ZBBX: variants seen among roughly 807,000 people sequenced by gnomAD.
ZBBX encodes the protein zinc finger B-box domain containing, also known as zinc finger B-box domain-containing protein 1.
Under a neutral mutation model 108.5 loss-of-function variants are expected in ZBBX, and 101 were observed. The ratio of observed to expected loss-of-function variants is 0.93; its 90% confidence interval spans 0.79 to 1.10. The LOEUF is 1.10. Ranked by LOEUF, ZBBX falls within the 50% of genes least tolerant of loss-of-function variation. ZBBX has a pLI of 0.00. For synonymous variants in ZBBX, 356 were observed against 323.4 expected (o/e 1.10, Z -1.08); for missense variants, 1,009 against 941.4 (o/e 1.07, Z -0.94).
intron 20 of ZBBX, among the ~76,000 whole-genome samples, chr3:167,249,584 G>C (rs1340159071): frequency 6.6e-6 from 1 of 152,174 alleles, no homozygotes; most frequent in East Asian, 1.9e-4. Context: ...GTAAGGTCCA[G>C]GTCCCCTTCT....
chr3:167,349,630 A>T (rs2108492732), intron 9 of ZBBX, among the ~76,000 whole-genome samples: 1 of 152,196 alleles, frequency 6.6e-6, no homozygotes. Flanking sequence ...AGATCTGATT[A>T]TCTCTATTCC....
At chr3:167,303,214 TG>T (rs993046472) in intron 17 of ZBBX, among the ~76,000 whole-genome samples, 2 of 152,350 alleles carry the variant, frequency 1.3e-5, no homozygotes, top group African/African-American at 4.8e-5. Context: ...GTATTTTGGA[TG>T]ACATACATTA....
In ZBBX at chr3:167,257,051, T is replaced by G. The variant is rs1234809787; in HGVS notation, c.2255-14408A>C. 5.9e-5 allele frequency among the ~76,000 whole-genome samples: 9 copies of G among 152,324 alleles called. No homozygotes were observed. In the East Asian group the frequency reaches 1.5e-3, roughly 26 times the overall value. On this transcript the variant is annotated intron_variant, in intron 20 of 21. Transcript: ENST00000675490. Reference sequence around the variant, plus strand: ...TTAACTTTTTAAGGAACCTCCAAACTGTTCTCCATAGTGTTTGAACTAACT... The same window carrying G: ...TTAACTTTTTAAGGAACCTCCAAACGGTTCTCCATAGTGTTTGAACTAACT...
At chr3:167,370,554 C>T (rs13093711) in intron 4 of ZBBX, among the ~76,000 whole-genome samples, 10,892 of 152,186 alleles carry the variant, frequency 0.072, 468 homozygotes, top group Admixed American at 0.11. Context: ...AGACTTCTGA[C>T]GTTTTTGAAG....
rs537151505 is a variant in ZBBX, at chr3:167,358,867, C to T, written c.432+1003G>A. Among the ~76,000 whole-genome samples the T allele has an allele frequency of 6.0e-4, 79 of 131,368 alleles. 1 individual carries two copies. The South Asian group carries it at 0.015, about 25-fold the overall frequency. The allele number at this position is 131,368 out of a possible 152,430, so 86.2% of individuals were successfully genotyped here. On this transcript the variant is annotated intron_variant, in intron 8 of 21. Transcript: ENST00000675490. ...AGGAGAATTGCTTGAACTCTGGAGG[C>T]GGAGGTTGCAGTGAGCCCAGATTGC... is the stretch of plus-strand genomic sequence containing the variant.
chr3:167,376,210 G>A (rs761611517), intron 2 of ZBBX, among the ~76,000 whole-genome samples: 1 of 152,108 alleles, frequency 6.6e-6, no homozygotes, highest in Non-Finnish European at 1.5e-5. Flanking sequence ...GAGGGAGGTG[G>A]TAGCATTTTC....
intron 9 of ZBBX, among the ~76,000 whole-genome samples, chr3:167,341,324 A>G (rs1740499778): frequency 6.6e-6 from 1 of 151,924 alleles, no homozygotes; most frequent in Non-Finnish European, 1.5e-5. Flanking sequence ...AAATAACATG[A>G]AATCTGGACT....
chr3:167,271,128 T>C (rs1013908488), intron 20 of ZBBX, among the ~76,000 whole-genome samples: 3 of 152,210 alleles, frequency 2.0e-5, no homozygotes, highest in African/African-American at 7.2e-5. Context: ...TTAAAGTAAT[T>C]GCAGGAAGGA....
At chr3:167,372,787 A>G in intron 4 of ZBBX, 47 bp downstream of exon 4, 1 of 964,596 alleles carries the variant, frequency 1.0e-6, no homozygotes. Flanking sequence ...CAATATACAG[A>G]AGCTTTGCAA....
chr3:167,388,199 C>A (rs948354940), intron 1 of ZBBX, among the ~76,000 whole-genome samples: 3 of 151,772 alleles, frequency 2.0e-5, no homozygotes, highest in Admixed American at 6.6e-5. Flanking sequence ...GCAAGCCATG[C>A]AAAAGTCTGG....
intron 20 of ZBBX, among the ~76,000 whole-genome samples, chr3:167,248,348 C>T (rs1195779653): frequency 2.0e-5 from 3 of 152,300 alleles, no homozygotes; most frequent in East Asian, 1.9e-4. Flanking sequence ...AGTCTGAAAT[C>T]GGGTAAAAAT....
chr3:167,305,652 C>T lies in ZBBX; in HGVS notation c.1716G>A (p.Lys572=), dbSNP rs1246033104. ...RPSFEESKTT[K]SSLLLQEIAC... Reference sequence around the variant, plus strand: ...CATAATAGAGATTTACCAGTGATGACTTTGTAGTTTTTGATTCTTCAAAGC... The same window carrying T: ...CATAATAGAGATTTACCAGTGATGATTTTGTAGTTTTTGATTCTTCAAAGC... Residue 572 remains lysine (K), a synonymous_variant, in exon 17 of 22, where the codon AAG becomes AAA. Coordinates refer to ENST00000675490, the MANE Select transcript of ZBBX (RefSeq NM_001199201.2). 2 of 1,553,940 alleles carry T rather than the reference C, an allele frequency of 1.3e-6. No homozygotes were observed. Among genetic ancestry groups the T allele is most frequent in the Non-Finnish European group, 8.6e-7 (1 of 1,156,138 alleles).
At chr3:167,266,615 C>T (rs1725541064) in intron 20 of ZBBX, among the ~76,000 whole-genome samples, 1 of 152,066 alleles carries the variant, frequency 6.6e-6, no homozygotes. Context: ...CAACCCCAGC[C>T]CACGGGGGAA....
chr3:167,282,239 T>C lies in ZBBX; in HGVS notation c.2253A>G (p.Ala751=), dbSNP rs1220867669. 6.2e-7 allele frequency: 1 copy of C among 1,607,632 alleles called. No homozygotes were observed. Among genetic ancestry groups the C allele is most frequent in the East Asian group, 2.2e-5 (1 of 44,806 alleles). Reference sequence around the variant, plus strand: ...AAGTGAAAAAAAAAATAGGATTACCTGCAAGAGATCTCAGCACTTGTAATT... The same window carrying C: ...AAGTGAAAAAAAAAATAGGATTACCCGCAAGAGATCTCAGCACTTGTAATT... ...EKELQVLRSL[A]DTSEKLYSLT... is the part of the protein sequence containing the mutation. Residue 751 remains alanine (A), a splice_region_variant and synonymous_variant, in exon 20 of 22, where the codon GCA becomes GCG. Coordinates refer to ENST00000675490, the MANE Select transcript of ZBBX (RefSeq NM_001199201.2).
At chr3:167,352,590 C>CA in intron 8 of ZBBX, among the ~76,000 whole-genome samples, 1 of 151,688 alleles carries the variant, frequency 6.6e-6, no homozygotes, top group African/African-American at 2.4e-5. Context: ...GAAACTATTT[C>CA]AAAAAAATCA....
chr3:167,316,441 T>A (rs921738126), intron 14 of ZBBX, among the ~76,000 whole-genome samples: 1 of 152,046 alleles, frequency 6.6e-6, no homozygotes, highest in Non-Finnish European at 1.5e-5. Flanking sequence ...ATGCACTGAG[T>A]GTATCACACC....
intron 1 of ZBBX, among the ~76,000 whole-genome samples, chr3:167,395,820 G>T (rs1400923386): frequency 6.6e-6 from 1 of 151,870 alleles, no homozygotes. Flanking sequence ...CAAGAATAGG[G>T]AATTAAGAGA....
chr3:167,384,926 C>T (rs1178779850), upstream of ZBBX, among the ~76,000 whole-genome samples: 1 of 151,956 alleles, frequency 6.6e-6, no homozygotes, highest in Non-Finnish European at 1.5e-5. Context: ...ATCAACATTC[C>T]TAATACAAAA....
intron 1 of ZBBX, among the ~76,000 whole-genome samples, chr3:167,396,034 T>C (rs1748226694): frequency 2.6e-5 from 4 of 152,004 alleles, no homozygotes; most frequent in Non-Finnish European, 5.9e-5. Flanking sequence ...AAGAAGACAG[T>C]TGTCATGGCA....
Sources: gnomAD v4.1 joint callset for allele counts (sites outside exome capture counted in the v4.1 genomes callset) on GRCh38, gnomAD v4.1.1 for gene constraint, MANE v1.5 for transcripts, NCBI Gene and HGNC (gene_info 2026-07-23, HGNC 2026-07-21) for gene names.